Variants in CACNA2D3 observed in about 807,000 individuals in gnomAD.
CACNA2D3 encodes the protein calcium voltage-gated channel auxiliary subunit alpha2delta 3.
CACNA2D3 carries 60 observed loss-of-function variants against 160.6 expected under a neutral mutation model. The ratio of observed to expected loss-of-function variants is 0.37; its 90% confidence interval spans 0.30 to 0.46. The LOEUF (loss-of-function observed/expected upper bound fraction) is 0.46. Among genes scored for constraint, CACNA2D3 ranks in the 20% least tolerant of loss-of-function variants. The probability of loss-of-function intolerance (pLI) is 1.00; values close to 1 mark genes in which losing one functional copy is unlikely to be tolerated. For synonymous variants in CACNA2D3, 558 were observed against 492.9 expected, an observed-to-expected ratio of 1.13 and a Z score of -1.75; for missense variants, 1,205 against 1,365.0, an observed-to-expected ratio of 0.88 and a Z score of 1.85.
At chr3:54,562,543 C>G (rs952708036) in intron 5 of CACNA2D3, among the ~76,000 whole-genome samples, 1 of 152,100 alleles carries the variant, frequency 6.6e-6, no homozygotes, top group African/African-American at 2.4e-5. Flanking sequence ...TTGAAAGGTA[C>G]AAATAAAAGG....
intron 13 of CACNA2D3, among the ~76,000 whole-genome samples, chr3:54,811,010 C>G (rs1031983745): frequency 1.2e-4 from 19 of 152,166 alleles, no homozygotes; most frequent in Admixed American, 9.2e-4. Flanking sequence ...ATGGGCTCTC[C>G]CTGGTGGGAT....
intron 6 of CACNA2D3, among the ~76,000 whole-genome samples, chr3:54,565,709 A>C (rs1702399258): frequency 6.6e-6 from 1 of 152,210 alleles, no homozygotes; most frequent in African/African-American, 2.4e-5. Context: ...ATGTTGAATA[A>C]CATAATGCTG....
At chr3:54,407,116 A>G (rs1275991810) in intron 4 of CACNA2D3, among the ~76,000 whole-genome samples, 1 of 152,106 alleles carries the variant, frequency 6.6e-6, no homozygotes, top group African/African-American at 2.4e-5. Context: ...GACTATTCTC[A>G]CTGGGGGTTT....
intron 3 of CACNA2D3, among the ~76,000 whole-genome samples, chr3:54,353,154 C>T (rs987259576): frequency 2.0e-5 from 3 of 152,210 alleles, no homozygotes; most frequent in African/African-American, 7.2e-5. Context: ...CCCCCACTAG[C>T]CAATTTGGTG....
chr3:54,217,258 G>T (rs1412514236), intron 2 of CACNA2D3, among the ~76,000 whole-genome samples: 2 of 152,128 alleles, frequency 1.3e-5, no homozygotes, highest in African/African-American at 4.8e-5. Flanking sequence ...GGCCCAGGGG[G>T]GCTGGCTTGG....
At chr3:54,491,059 C>T (rs926581058) in intron 4 of CACNA2D3, among the ~76,000 whole-genome samples, 3 of 152,216 alleles carry the variant, frequency 2.0e-5, no homozygotes, top group African/African-American at 7.2e-5. Flanking sequence ...TATATTCTCT[C>T]TCTCTCTCCT....
At chr3:54,935,704 A>G (rs1278959408) in intron 27 of CACNA2D3, among the ~76,000 whole-genome samples, 5 of 152,204 alleles carry the variant, frequency 3.3e-5, no homozygotes, top group African/African-American at 1.2e-4. Flanking sequence ...ATAACGTGAT[A>G]GTTCAGTTTC....
At chr3:54,541,194 G>A (rs966816319) in intron 5 of CACNA2D3, among the ~76,000 whole-genome samples, 3 of 150,228 alleles carry the variant, frequency 2.0e-5, no homozygotes, top group Admixed American at 6.7e-5. Flanking sequence ...GGAGAATGGC[G>A]TGAACCTGGG....
chr3:54,621,680 TC>T (rs1186128095), intron 9 of CACNA2D3, among the ~76,000 whole-genome samples: 1 of 152,200 alleles, frequency 6.6e-6, no homozygotes, highest in Non-Finnish European at 1.5e-5. Flanking sequence ...AGCCTTCTGT[TC>T]TGTAGCTGTG....
At chr3:54,464,483 C>T (rs370604141) in intron 4 of CACNA2D3, among the ~76,000 whole-genome samples, 11 of 152,250 alleles carry the variant, frequency 7.2e-5, no homozygotes, top group South Asian at 2.1e-4. Context: ...CAATGGCGAG[C>T]GCCCCTCCCC....
rs185718079 is a variant in CACNA2D3 at position 54,197,883 on chromosome 3, C to A, written c.204+74289C>A. ...CTCCTTCCCCATTTCCTATCTCCAA[C>A]CTGAAGTTAAAAGTTTCTAGCTTTG... On this transcript the variant is annotated intron_variant, in intron 2 of 37. Coordinates refer to ENST00000474759, the MANE Select transcript of CACNA2D3 (RefSeq NM_018398.3). 3.3e-5 allele frequency among the ~76,000 whole-genome samples: 5 copies of A among 152,296 alleles called. No individual in the cohort carries two copies. The East Asian group carries it at 9.6e-4, about 29-fold the overall frequency.
chr3:55,073,096 A>C (rs181518828), intron 35 of CACNA2D3, among the ~76,000 whole-genome samples: 2 of 152,202 alleles, frequency 1.3e-5, no homozygotes, highest in African/African-American at 4.8e-5. Flanking sequence ...GGTAATGTTT[A>C]GGCTCTGGGA....
intron 11 of CACNA2D3, among the ~76,000 whole-genome samples, chr3:54,726,244 G>C (rs756006005): frequency 6.6e-6 from 1 of 152,010 alleles, no homozygotes; most frequent in Non-Finnish European, 1.5e-5. Context: ...AAAAACCAGC[G>C]CTCAAGGAAA....
At chr3:54,483,321 A>G (rs1312631814) in intron 4 of CACNA2D3, among the ~76,000 whole-genome samples, 1 of 152,208 alleles carries the variant, frequency 6.6e-6, no homozygotes, top group Non-Finnish European at 1.5e-5. Flanking sequence ...AGGCTTCTAA[A>G]GCAAACAGCA....
intron 2 of CACNA2D3, among the ~76,000 whole-genome samples, chr3:54,137,053 C>T (rs1203531733): frequency 2.0e-5 from 3 of 152,202 alleles, no homozygotes; most frequent in Admixed American, 2.0e-4. Context: ...CACATCTTCC[C>T]TCTGTGATTT....
chr3:54,682,589 T>A (rs950458473), intron 11 of CACNA2D3, among the ~76,000 whole-genome samples: 1 of 152,078 alleles, frequency 6.6e-6, no homozygotes, highest in African/African-American at 2.4e-5. Flanking sequence ...CCAGCCTGGG[T>A]GACAGAGTAA....
chr3:54,705,994 G>A (rs561874540), intron 11 of CACNA2D3, among the ~76,000 whole-genome samples: 2 of 152,124 alleles, frequency 1.3e-5, no homozygotes, highest in African/African-American at 2.4e-5. Context: ...CGGCTTCTGT[G>A]CTCCTTTGAG....
intron 11 of CACNA2D3, among the ~76,000 whole-genome samples, chr3:54,669,542 G>C (rs1454133858): frequency 1.3e-5 from 2 of 152,192 alleles, no homozygotes; most frequent in Non-Finnish European, 1.5e-5. Context: ...GTTGCAAACT[G>C]TAGGAAGTAT....
At chr3:54,584,423 A>G (rs575756189) in intron 9 of CACNA2D3, among the ~76,000 whole-genome samples, 2 of 152,356 alleles carry the variant, frequency 1.3e-5, no homozygotes, top group African/African-American at 2.4e-5. Context: ...AATAGAGTGA[A>G]GATGACAGCA....
Sources: gnomAD v4.1 joint callset for allele counts (sites outside exome capture counted in the v4.1 genomes callset) on GRCh38, gnomAD v4.1.1 for gene constraint, MANE v1.5 for transcripts, NCBI Gene and HGNC (gene_info 2026-07-23, HGNC 2026-07-21) for gene names.